Variants in MBL2 observed in about 807,000 individuals in gnomAD.
The protein encoded by MBL2 is mannose-binding protein C.
In MBL2, 6 loss-of-function variants were observed where a neutral mutation model predicts 12.7. That is an observed-to-expected ratio of 0.47 (90% confidence interval 0.26 to 0.94). MBL2 has a LOEUF of 0.94. MBL2 is among the 40% of genes least tolerant of loss of function. MBL2 has a pLI of 0.15. For synonymous variants in MBL2, 114 were observed against 112.0 expected (o/e 1.02, Z -0.11); for missense variants, 307 against 295.2 (o/e 1.04, Z -0.29).
Position 52,766,617 on chromosome 10 carries a change from TTTC to T in MBL2, c.*1517_*1519del, listed in dbSNP as rs1477550711. The T allele has an allele frequency of 6.6e-6, 1 of 152,008 alleles. No homozygotes were observed. Among genetic ancestry groups the T allele is most frequent in the African/African-American group, 2.4e-5 (1 of 41,394 alleles). The allele number at this position is 152,008 out of a possible 1,614,324, so 9.4% of individuals were successfully genotyped here. A position where few individuals can be genotyped will look rare whatever the true frequency, so the allele number is the denominator to read the frequency against. The stretch of plus-strand genomic sequence containing the variant: ...CTTATGATTTTGGGATGGGCAAAAA[TTTC>T]TTAAACATGACACAAAAAGCACTAA... On this transcript the variant is annotated 3_prime_UTR_variant, in exon 5 of 5. Transcript: ENST00000674931.
intron 4 of MBL2, among the ~76,000 whole-genome samples, chr10:52,769,011 T>G (rs969167393): frequency 6.6e-6 from 1 of 151,874 alleles, no homozygotes; most frequent in Non-Finnish European, 1.5e-5. Flanking sequence ...GTCTCTCGAG[T>G]CAGACTGACT....
At position 52,767,992 on chromosome 10, in the gene MBL2, G is replaced by T; in HGVS notation, c.*145C>A. 1.1e-6 allele frequency: 1 copy of T among 925,486 alleles called. No individual in the cohort carries two copies. 57.3% of individuals were successfully genotyped at this position (925,486 alleles called of 1,614,324 possible). On this transcript the variant is annotated 3_prime_UTR_variant, in exon 5 of 5. Coordinates refer to ENST00000674931, the MANE Select transcript of MBL2 (RefSeq NM_001378373.1). ...TACTACTACTATTATTGCTTTGTTG[G>T]TGCTGTTAGTGATCATTTTTAGTGA...
rs1840306571 is a variant in MBL2 at position 52,766,512 on chromosome 10, T to C, written c.*1625A>G. On this transcript the variant is annotated 3_prime_UTR_variant, in exon 5 of 5. Transcript: ENST00000674931. ...GATAGAATGTTTATTAATAAAACTATTAGAAAAAAATGGAAAAATATCTTC... is the reference window on the plus strand; with the variant it reads ...GATAGAATGTTTATTAATAAAACTACTAGAAAAAAATGGAAAAATATCTTC... The C allele has an allele frequency of 6.6e-6, 1 of 152,010 alleles. No individual in the cohort carries two copies. The highest frequency in any genetic ancestry group is 2.4e-5 in the African/African-American group (1 of 41,386). 9.4% of individuals were successfully genotyped at this position (152,010 alleles called of 1,614,324 possible). A position where few individuals can be genotyped will look rare whatever the true frequency, so the allele number is the denominator to read the frequency against.
intron 4 of MBL2, 30 bp downstream of exon 4, chr10:52,769,217 G>C (rs896438641): frequency 3.3e-6 from 5 of 1,507,170 alleles, no homozygotes; most frequent in African/African-American, 1.4e-5. Context: ...CAAACTTCAA[G>C]CTGCCTGGAG....
chr10:52,770,671 C>A lies in MBL2; in HGVS notation c.303G>T (p.Pro101=). The A allele has an allele frequency of 6.8e-7, 1 of 1,467,518 alleles. No individual in the cohort carries two copies. Among genetic ancestry groups the A allele is most frequent in the South Asian group, 1.5e-5 (1 of 67,760 alleles). 90.9% of individuals were successfully genotyped at this position (1,467,518 alleles called of 1,614,324 possible). ...KGQKGDPGKS[P]DGDSSLAASE... ...CTCAGACCTTGCTGGGGTCCTTACC[C>A]GGACTTTTTCCAGGGTCTCCTTTTT... is the stretch of plus-strand genomic sequence containing the variant. The change falls in exon 3 of 5, where the codon CCG becomes CCT. Residue 101 remains proline, a splice_region_variant and synonymous_variant. Coordinates refer to ENST00000674931, the MANE Select transcript of MBL2 (RefSeq NM_001378373.1).
At chr10:52,772,662 C>T (rs1214059578) in intron 1 of MBL2, 75 bp downstream of exon 1, 1 of 902,976 alleles carries the variant, frequency 1.1e-6, no homozygotes. Context: ...AAGCCTCCTC[C>T]ATGCCTCCAG....
In MBL2 at chr10:52,767,413, A is replaced by G. The variant is rs1421054740; in HGVS notation, c.*724T>C. On this transcript the variant is annotated 3_prime_UTR_variant, in exon 5 of 5. Transcript: ENST00000674931. ...ACACACAATATGATTCCAACTATAC[A>G]ATGTTTATAAACAGACGAAATTACT... 1 of 152,028 alleles carries G rather than the reference A, an allele frequency of 6.6e-6. No homozygotes were observed. The highest frequency in any genetic ancestry group is 2.4e-5 in the African/African-American group (1 of 41,288). The allele number at this position is 152,028 out of a possible 1,614,324, so 9.4% of individuals were successfully genotyped here. A position where few individuals can be genotyped will look rare whatever the true frequency, so the allele number is the denominator to read the frequency against.
intron 2 of MBL2, among the ~76,000 whole-genome samples, chr10:52,771,098 C>T (rs1027956017): frequency 1.3e-5 from 2 of 152,168 alleles, no homozygotes; most frequent in Admixed American, 6.5e-5. Context: ...CCCAGTAAAA[C>T]CTATGTTTGT....
Position 52,768,232 on chromosome 10 carries a change from A to T in MBL2, c.652T>A (p.Ser218Thr). The stretch of plus-strand genomic sequence containing the variant: ...AGTAGCAATACACAATCTTCATCAG[A>T]ACCAGCATTGTTGGGTTCACCCTCG... ...WNEGEPNNAG[S>T]DEDCVLLLKN... Residue 218 changes from serine to threonine, a missense_variant, in exon 5 of 5, where the codon TCT becomes ACT. Ser to Thr is a moderately conservative substitution (Grantham distance 58). Coordinates refer to ENST00000674931, the MANE Select transcript of MBL2 (RefSeq NM_001378373.1). 6.2e-7 allele frequency: 1 copy of T among 1,613,842 alleles called. No homozygotes were observed. The highest frequency in any genetic ancestry group is 8.5e-7 in the Non-Finnish European group (1 of 1,180,000).
At chr10:52,769,092 C>T (rs1840351593) in intron 4 of MBL2, among the ~76,000 whole-genome samples, 155 bp downstream of exon 4, 1 of 151,970 alleles carries the variant, frequency 6.6e-6, no homozygotes. Context: ...TTCCCTTTGC[C>T]TCCATTTCTA....
intron 3 of MBL2, among the ~76,000 whole-genome samples, chr10:52,769,584 C>T (rs1840360160): frequency 1.3e-5 from 2 of 152,132 alleles, no homozygotes; most frequent in South Asian, 2.1e-4. Context: ...CCCTGATTAC[C>T]TAGCAATCCA....
chr10:52,771,741 A>G (rs1840396983), intron 1 of MBL2, 97 bp from the exon 2 acceptor site: 2 of 1,462,968 alleles, frequency 1.4e-6, no homozygotes, highest in Admixed American at 2.5e-5. Context: ...CAGGCTATAT[A>G]GAAATAGATG....
In MBL2 at chr10:52,768,052, A is replaced by G. The variant is rs1441281803; in HGVS notation, c.*85T>C. ...AAAGGAACAATACTGGATATGAGGA[A>G]ATTGATATAATTTATCTTTTCAAGC... is the stretch of plus-strand genomic sequence containing the variant. On this transcript the variant is annotated 3_prime_UTR_variant, in exon 5 of 5. Transcript: ENST00000674931. The G allele has an allele frequency of 6.8e-7, 1 of 1,480,944 alleles. No homozygotes were observed. Among genetic ancestry groups the G allele is most frequent in the South Asian group, 1.4e-5 (1 of 72,710 alleles). The allele number at this position is 1,480,944 out of a possible 1,614,324, so 91.7% of individuals were successfully genotyped here.
Position 52,766,830 on chromosome 10 carries a change from C to T in MBL2, c.*1307G>A, listed in dbSNP as rs1323020621. Reference sequence around the variant, plus strand: ...AAAAATATTGGCTAACTAATTTAAACAAAATACAAAAATGTGAACGGGTAC... The same window carrying T: ...AAAAATATTGGCTAACTAATTTAAATAAAATACAAAAATGTGAACGGGTAC... On this transcript the variant is annotated 3_prime_UTR_variant, in exon 5 of 5. Coordinates refer to ENST00000674931, the MANE Select transcript of MBL2 (RefSeq NM_001378373.1). 6.6e-6 allele frequency: 1 copy of T among 151,870 alleles called. No individual in the cohort carries two copies. The highest frequency in any genetic ancestry group is 2.4e-5 in the African/African-American group (1 of 41,306). The allele number at this position is 151,870 out of a possible 1,614,324, so 9.4% of individuals were successfully genotyped here. A position where few individuals can be genotyped will look rare whatever the true frequency, so the allele number is the denominator to read the frequency against.
Position 52,772,765 on chromosome 10 carries a change from G to A in MBL2, c.-38C>T. The A allele has an allele frequency of 1.0e-6, 1 of 985,360 alleles. No homozygotes were observed. The highest frequency in any genetic ancestry group is 1.7e-5 in the African/African-American group (1 of 57,348). The allele number at this position is 985,360 out of a possible 1,614,324, so 61.0% of individuals were successfully genotyped here. ...TGTTTCTGCAGAGCAGGGACTCAGT[G>A]ACAAGGACGCTGGCCCTCTAGCCTG... On this transcript the variant is annotated 5_prime_UTR_variant, in exon 1 of 5. Transcript: ENST00000674931.
chr10:52,770,908 G>A, intron 2 of MBL2, 122 bp from the exon 3 acceptor site: 1 of 503,154 alleles, frequency 2.0e-6, no homozygotes, highest in Non-Finnish European at 3.4e-6. Context: ...ACCTTTCTGA[G>A]CACTGCTCTC....
At chr10:52,771,082 G>C (rs1008716603) in intron 2 of MBL2, among the ~76,000 whole-genome samples, 1 of 152,190 alleles carries the variant, frequency 6.6e-6, no homozygotes, top group Non-Finnish European at 1.5e-5. Flanking sequence ...CCTGTAAACA[G>C]ATTCCCCCAG....
rs768875117 is a variant in MBL2, at chr10:52,771,660, C to G, written c.-9-16G>C. 2 of 1,607,542 alleles carry G rather than the reference C, an allele frequency of 1.2e-6. No individual in the cohort carries two copies. Among genetic ancestry groups the G allele is most frequent in the African/African-American group, 2.7e-5 (2 of 74,778 alleles). ...TGGTCCTCACCTTGGTGTGAGAAAA[C>G]TCAGGGAAGGTTAATCTCAGTTAAT... is the stretch of plus-strand genomic sequence containing the variant. On this transcript the variant is annotated splice_polypyrimidine_tract_variant and intron_variant, in intron 1 of 4. Coordinates refer to ENST00000674931, the MANE Select transcript of MBL2 (RefSeq NM_001378373.1).
At position 52,771,613 on chromosome 10, in the gene MBL2, G is replaced by T; in HGVS notation, c.23C>A (p.Pro8His). 6.2e-7 allele frequency: 1 copy of T among 1,613,830 alleles called. No individual in the cohort carries two copies. Residue 8 changes from proline (P) to histidine (H), a missense_variant, in exon 2 of 5, where the codon CCT becomes CAT. By Grantham distance (77) the Pro-to-His change is moderately conservative. Coordinates refer to ENST00000674931, the MANE Select transcript of MBL2 (RefSeq NM_001378373.1). MSLFPSLPLLLLSMVAAS... is the reference protein window; with the variant it reads MSLFPSLHLLLLSMVAAS... ...TGCCACCATACTCAGGAGAAGGAGAGGGAGTGATGGAAACAGGGACATGGT... is the reference window on the plus strand; with the variant it reads ...TGCCACCATACTCAGGAGAAGGAGATGGAGTGATGGAAACAGGGACATGGT...
Sources: gnomAD v4.1 joint callset for allele counts (sites outside exome capture counted in the v4.1 genomes callset) on GRCh38, gnomAD v4.1.1 for gene constraint, MANE v1.5 for transcripts, NCBI Gene and HGNC (gene_info 2026-07-23, HGNC 2026-07-21) for gene names.